The following ARSB variants were observed in gnomAD, a reference collection of about 807,000 sequenced individuals.
The protein encoded by ARSB is N-acetylgalactosamine-4-sulfatase.
A neutral mutation model predicts 50.9 loss-of-function variants in ARSB; 41 were observed. That is an observed-to-expected ratio of 0.81 (90% CI 0.63 to 1.04). The LOEUF (loss-of-function observed/expected upper bound fraction) is 1.04, where lower values mean the gene tolerates loss of function less well. Among genes scored for constraint, ARSB ranks in the 50% least tolerant of loss-of-function variants. The pLI, the probability that ARSB is intolerant of heterozygous loss-of-function variation, is 0.00. For synonymous variants in ARSB, 269 were observed against 284.8 expected (o/e 0.94, Z 0.56); for missense variants, 672 against 693.3 (o/e 0.97, Z 0.35).
intron 5 of ARSB, among the ~76,000 whole-genome samples, chr5:78,845,475 A>T (rs992876939): frequency 4.6e-5 from 7 of 152,074 alleles, no homozygotes; most frequent in African/African-American, 1.7e-4. Flanking sequence ...CAATGGCTAG[A>T]CTAATTTGCA....
intron 2 of ARSB, among the ~76,000 whole-genome samples, chr5:78,965,031 G>C (rs183897747): frequency 1.3e-5 from 2 of 152,166 alleles, no homozygotes; most frequent in Admixed American, 1.3e-4. Flanking sequence ...CTGATGTTGC[G>C]AGACTGGCTT....
At chr5:78,824,327 G>T (rs1744349442) in intron 6 of ARSB, among the ~76,000 whole-genome samples, 1 of 152,130 alleles carries the variant, frequency 6.6e-6, no homozygotes, top group Non-Finnish European at 1.5e-5. Context: ...AGATATCTTA[G>T]AAAAAATATT....
In ARSB at chr5:78,920,953, T is replaced by C. The variant is rs930078938; in HGVS notation, c.898+34342A>G. 3.0e-4 allele frequency among the ~76,000 whole-genome samples: 45 copies of C among 152,304 alleles called. 1 individual carries two copies. The highest frequency in any genetic ancestry group is 1.1e-3 in the African/African-American group (44 of 41,572). ...TTGATTACAGGGATTTACAAACTCC[T>C]GGATCAGACCTGCCAGGAGTTTGTA... On this transcript the variant is annotated intron_variant, in intron 4 of 7. Coordinates refer to ENST00000264914, the MANE Select transcript of ARSB (RefSeq NM_000046.5).
chr5:78,848,025 T>C (rs956639910), intron 5 of ARSB, among the ~76,000 whole-genome samples: 4 of 151,572 alleles, frequency 2.6e-5, no homozygotes, highest in Non-Finnish European at 4.4e-5. Flanking sequence ...ATCGATCTTT[T>C]GTATTATTTT....
At chr5:78,849,709 C>A (rs1238282455) in intron 5 of ARSB, among the ~76,000 whole-genome samples, 1 of 146,652 alleles carries the variant, frequency 6.8e-6, no homozygotes, top group African/African-American at 2.5e-5. Flanking sequence ...AATGTTCTTC[C>A]ATTTGTTTGT....
chr5:78,939,369 G>A (rs1580093248), intron 4 of ARSB, among the ~76,000 whole-genome samples: 3 of 151,604 alleles, frequency 2.0e-5, no homozygotes, highest in African/African-American at 4.9e-5. Flanking sequence ...CCATGTTGGT[G>A]TGCTGCACCC....
chr5:78,848,295 C>G (rs1347663508), intron 5 of ARSB, among the ~76,000 whole-genome samples: 1 of 113,508 alleles, frequency 8.8e-6, no homozygotes, highest in African/African-American at 3.5e-5. Context: ...TCAATTCCCA[C>G]CTATGAGTGA....
intron 5 of ARSB, among the ~76,000 whole-genome samples, chr5:78,850,372 C>T (rs75497470): frequency 0.02 from 2,892 of 144,854 alleles, 79 homozygotes; most frequent in African/African-American, 0.067. Context: ...TATTGATTTG[C>T]GTATATTGAA....
chr5:78,911,028 A>T (rs1037606719), intron 4 of ARSB, among the ~76,000 whole-genome samples: 9 of 152,236 alleles, frequency 5.9e-5, no homozygotes, highest in African/African-American at 1.9e-4. Flanking sequence ...AAATCAACAA[A>T]AGTGATTCAA....
intron 4 of ARSB, among the ~76,000 whole-genome samples, chr5:78,916,783 T>C (rs924295270): frequency 6.6e-5 from 10 of 152,184 alleles, no homozygotes; most frequent in Non-Finnish European, 1.5e-4. Context: ...GGGGGGATCT[T>C]TTTGGCCTGT....
At chr5:78,958,295 C>A (rs1015373093) in intron 3 of ARSB, among the ~76,000 whole-genome samples, 7 of 152,036 alleles carry the variant, frequency 4.6e-5, no homozygotes, top group African/African-American at 1.7e-4. Context: ...ATGTTCTCAT[C>A]CAGGTCATTA....
chr5:78,906,169 TA>T (rs57964996), intron 4 of ARSB, among the ~76,000 whole-genome samples: 35,443 of 143,618 alleles, frequency 0.25, 4,492 homozygotes, highest in African/African-American at 0.35. Flanking sequence ...CATAAAAAAT[TA>T]AAAAAAAAAA....
chr5:78,841,168 C>CTAATAATAATAATAATAA (rs1554074343), intron 5 of ARSB, among the ~76,000 whole-genome samples: 42 of 132,020 alleles, frequency 3.2e-4, no homozygotes, highest in South Asian at 1.3e-3. Flanking sequence ...ACTACTACTA[C>CTAATAATAATAATAATAA]TAATAATAAT....
chr5:78,922,203 G>C lies in ARSB; in HGVS notation c.898+33092C>G, dbSNP rs551163004. On this transcript the variant is annotated intron_variant, in intron 4 of 7. Transcript: ENST00000264914. ...TGGGCTTAGAGCCAGTGGATTTGGTGGGGGGGGAGGAGGGGGCACGTGACC... is the reference window on the plus strand; with the variant it reads ...TGGGCTTAGAGCCAGTGGATTTGGTCGGGGGGGAGGAGGGGGCACGTGACC... Among the ~76,000 whole-genome samples the C allele has an allele frequency of 2.0e-5, 3 of 151,162 alleles. No individual in the cohort carries two copies. The East Asian group carries it at 5.9e-4, about 30-fold the overall frequency.
intron 1 of ARSB, among the ~76,000 whole-genome samples, chr5:78,979,757 A>G (rs1752818406): frequency 6.6e-6 from 1 of 152,236 alleles, no homozygotes; most frequent in Non-Finnish European, 1.5e-5. Context: ...TAGCTGAACT[A>G]AGGAGAAGTC....
At chr5:78,966,589 T>C (rs1485803292) in intron 2 of ARSB, among the ~76,000 whole-genome samples, 1 of 152,230 alleles carries the variant, frequency 6.6e-6, no homozygotes, top group Non-Finnish European at 1.5e-5. Flanking sequence ...ATAACCTTCT[T>C]GGCTGCAAGT....
At chr5:78,850,895 C>T (rs1379008711) in intron 5 of ARSB, among the ~76,000 whole-genome samples, 2 of 152,146 alleles carry the variant, frequency 1.3e-5, no homozygotes, top group Non-Finnish European at 2.9e-5. Flanking sequence ...TCTGTGGTAT[C>T]AGTGGTGATA....
intron 6 of ARSB, chr5:78,815,712 A>T (rs1007149443): frequency 2.8e-6 from 3 of 1,069,634 alleles, no homozygotes; most frequent in Non-Finnish European, 3.4e-6. Flanking sequence ...ACTGTAAGAC[A>T]AGTATAAAGG....
intron 4 of ARSB, among the ~76,000 whole-genome samples, chr5:78,924,621 G>A (rs773989573): frequency 1.5e-4 from 23 of 152,120 alleles, no homozygotes; most frequent in Non-Finnish European, 2.8e-4. Context: ...GTACATTTCC[G>A]TATCAGTCAT....
Sources: gnomAD v4.1 joint callset for allele counts (sites outside exome capture counted in the v4.1 genomes callset) on GRCh38, gnomAD v4.1.1 for gene constraint, MANE v1.5 for transcripts, NCBI Gene and HGNC (gene_info 2026-07-23, HGNC 2026-07-21) for gene names.